Variants in MACF1 observed in about 807,000 individuals in gnomAD.
The protein encoded by MACF1 is microtubule-actin cross-linking factor 1.
A neutral mutation model predicts 854.8 loss-of-function variants in MACF1; 193 were observed. The ratio of observed to expected loss-of-function variants is 0.23; its 90% CI spans 0.20 to 0.25. The LOEUF is 0.25. Ranked by LOEUF, MACF1 falls within the 10% of genes least tolerant of loss-of-function variation. The pLI, the probability that MACF1 is intolerant of heterozygous loss-of-function variation, is 1.00. For missense variants in MACF1, 7,722 were observed against 8,929.1 expected (o/e 0.86, Z 5.45); for synonymous variants, 3,185 against 3,226.7 (o/e 0.99, Z 0.44).
chr1:39,469,533 AT>A lies in MACF1; in HGVS notation c.21890-8del. 1 of 1,543,682 alleles carries A rather than the reference AT, an allele frequency of 6.5e-7. No individual in the cohort carries two copies. Among genetic ancestry groups the A allele is most frequent in the Non-Finnish European group, 8.8e-7 (1 of 1,140,878 alleles). On this transcript the variant is annotated splice_polypyrimidine_tract_variant and intron_variant, in intron 96 of 100. Transcript: ENST00000564288. ...CCTGTCTGTTTCTTTCTGTTTACGT[AT>A]TTTTTATTCTAGTTCACCATCCTGG...
rs1269809504 is a variant in MACF1, at chr1:39,317,437, T to C, written c.3782+30T>C. 1.9e-6 allele frequency: 3 copies of C among 1,604,560 alleles called. No individual in the cohort carries two copies. The South Asian group carries it at 3.3e-5, about 18-fold the overall frequency. On this transcript the variant is annotated intron_variant, in intron 29 of 100. Coordinates refer to ENST00000564288, the MANE Select transcript of MACF1 (RefSeq NM_001394062.1). ...GTGGTGGCCCCACCTTTTTCTCCTA[T>C]TAGAGTTCAGGGACTAGGTCTTAAA...
chr1:39,376,980 G>A (rs149527148), intron 52 of MACF1, among the ~76,000 whole-genome samples: 2,522 of 151,874 alleles, frequency 0.017, 76 homozygotes, highest in African/African-American at 0.058. Flanking sequence ...GATTACAGGC[G>A]TGAGCCATTA....
chr1:39,396,705 G>A (rs1010653288), intron 58 of MACF1, among the ~76,000 whole-genome samples: 6 of 152,156 alleles, frequency 3.9e-5, no homozygotes, highest in African/African-American at 9.7e-5. Context: ...TAGGAAGTAC[G>A]ATGAGTTTCT....
intron 2 of MACF1, among the ~76,000 whole-genome samples, chr1:39,240,027 C>T (rs1429072880): frequency 6.6e-6 from 1 of 152,176 alleles, no homozygotes; most frequent in African/African-American, 2.4e-5. Flanking sequence ...GCTAGGATTA[C>T]AGGCATGAGC....
Position 39,295,067 on chromosome 1 carries a change from G to A in MACF1, c.2176G>A (p.Glu726Lys), listed in dbSNP as rs1645871986. 6.2e-7 allele frequency: 1 copy of A among 1,613,608 alleles called. No homozygotes were observed. The highest frequency in any genetic ancestry group is 1.7e-5 in the Admixed American group (1 of 59,976). Reference protein sequence around the residue: ...YFSELTMELEEKQDVFRSLQD... With the variant: ...YFSELTMELEKKQDVFRSLQD... ...TCAGGAGTTGACAATGGAACTGGAGGAGAAACAGGATGTGTTTCGTTCTCT... is the reference window on the plus strand; with the variant it reads ...TCAGGAGTTGACAATGGAACTGGAGAAGAAACAGGATGTGTTTCGTTCTCT... The change falls in exon 19 of 101, where the codon GAG becomes AAG. Residue 726 changes from glutamate (E) to lysine (K), a missense_variant. Around this residue, in one of 15 missense-constraint regions of MACF1, gnomAD observed 1,137 missense variants for 1,263.0 expected, o/e 0.90. Coordinates refer to ENST00000564288, the MANE Select transcript of MACF1 (RefSeq NM_001394062.1).
intron 38 of MACF1, among the ~76,000 whole-genome samples, 165 bp downstream of exon 38, chr1:39,337,496 C>T (rs146505359): frequency 4.0e-4 from 60 of 151,262 alleles, no homozygotes; most frequent in African/African-American, 1.3e-3. Flanking sequence ...TTGGATAGAC[C>T]GGATAAAATT....
At chr1:39,162,909 T>C (rs1330050552) in intron 2 of MACF1, among the ~76,000 whole-genome samples, 2 of 152,168 alleles carry the variant, frequency 1.3e-5, no homozygotes, top group South Asian at 2.1e-4. Flanking sequence ...GGGAATTGAA[T>C]TGAACTAAAC....
chr1:39,379,540 G>A, intron 54 of MACF1, 96 bp downstream of exon 54: 2 of 1,398,648 alleles, frequency 1.4e-6, no homozygotes, highest in African/African-American at 1.4e-5. Flanking sequence ...AGAGAGACAT[G>A]GGCAACAATC....
chr1:39,232,530 C>A (rs190475239), intron 2 of MACF1, among the ~76,000 whole-genome samples: 108 of 152,244 alleles, frequency 7.1e-4, no homozygotes, highest in Admixed American at 1.9e-3. Flanking sequence ...TGGTGTTCCC[C>A]AGGATCCTAA....
chr1:39,126,318 ATGTC>A (rs949610334), intron 2 of MACF1, among the ~76,000 whole-genome samples: 1 of 152,110 alleles, frequency 6.6e-6, no homozygotes, highest in African/African-American at 2.4e-5. Flanking sequence ...ACATCTGTAT[ATGTC>A]TGTCTGTGTT....
chr1:39,456,231 G>A (rs1214279354), intron 89 of MACF1, among the ~76,000 whole-genome samples: 4 of 152,114 alleles, frequency 2.6e-5, no homozygotes, highest in African/African-American at 7.2e-5. Context: ...CTACTCAGGC[G>A]GCTGAGGCAA....
intron 23 of MACF1, among the ~76,000 whole-genome samples, chr1:39,306,368 T>C (rs1272007452): frequency 2.0e-5 from 3 of 152,140 alleles, no homozygotes; most frequent in African/African-American, 7.2e-5. Context: ...CCTCAAGTGA[T>C]CCACCCACCT....
chr1:39,247,384 AAAATT>A (rs1396215055), intron 2 of MACF1, among the ~76,000 whole-genome samples: 3 of 152,100 alleles, frequency 2.0e-5, no homozygotes, highest in Non-Finnish European at 2.9e-5. Flanking sequence ...GCTATTATTA[AAAATT>A]AAATTATGTA....
chr1:39,306,547 T>C (rs2148426723), intron 23 of MACF1, among the ~76,000 whole-genome samples: 1 of 152,250 alleles, frequency 6.6e-6, no homozygotes, highest in East Asian at 1.9e-4. Flanking sequence ...ATTCCCAATA[T>C]GGCCAAACAC....
In MACF1 at chr1:39,287,523, A is replaced by G; in HGVS notation, c.1746A>G (p.Arg582=). 4 of 1,614,180 alleles carry G rather than the reference A, an allele frequency of 2.5e-6. No individual in the cohort carries two copies. Among genetic ancestry groups the G allele is most frequent in the Non-Finnish European group, 3.4e-6 (4 of 1,180,032 alleles). ...ISSSEDEGNL[R]FVYELLSWVE... ...CCTCTGAAGATGAAGGCAATCTCCG[A>G]TTTGTGTATGAACTACTGTCTTGGG... The change falls in exon 15 of 101, where the codon CGA becomes CGG. Residue 582 remains arginine (R), a synonymous_variant. Coordinates refer to ENST00000564288, the MANE Select transcript of MACF1 (RefSeq NM_001394062.1).
At chr1:39,277,197 T>G (rs3116387) in intron 6 of MACF1, among the ~76,000 whole-genome samples, 90,155 of 150,550 alleles carry the variant, frequency 0.6, 29,062 homozygotes, top group South Asian at 0.78. Context: ...AACTGGACTC[T>G]TGTGGTTTGA....
chr1:39,452,920 A>G, intron 87 of MACF1, 108 bp downstream of exon 87: 1 of 1,371,050 alleles, frequency 7.3e-7, no homozygotes, highest in Non-Finnish European at 9.9e-7. Context: ...CTCACATGAA[A>G]AGGAACAAAA....
intron 1 of MACF1, among the ~76,000 whole-genome samples, chr1:39,207,304 G>A (rs1644462415): frequency 6.8e-6 from 1 of 148,042 alleles, no homozygotes; most frequent in African/African-American, 2.5e-5. Context: ...TGGAGACGGA[G>A]TTTTGCTCTT....
intron 1 of MACF1, among the ~76,000 whole-genome samples, chr1:39,218,052 G>C (rs556062570): frequency 6.6e-6 from 1 of 151,732 alleles, no homozygotes; most frequent in African/African-American, 2.4e-5. Flanking sequence ...GCATGGTGGC[G>C]GGTGCTTGTA....
Sources: gnomAD v4.1 joint callset for allele counts (sites outside exome capture counted in the v4.1 genomes callset) on GRCh38, gnomAD v4.1.1 for gene constraint, gnomAD v4.1.1 regional missense constraint, MANE v1.5 for transcripts, NCBI Gene and HGNC (gene_info 2026-07-23, HGNC 2026-07-21) for gene names.